The following PTPRN2 variants were observed in gnomAD, a reference collection of about 807,000 sequenced individuals.
The protein encoded by PTPRN2 is receptor-type tyrosine-protein phosphatase N2.
Under a neutral mutation model 118.8 loss-of-function variants are expected in PTPRN2, and 74 were observed. That is an observed-to-expected ratio of 0.62 (90% CI 0.52 to 0.76). The LOEUF (loss-of-function observed/expected upper bound fraction) is 0.76, where lower values mean the gene tolerates loss of function less well. PTPRN2 is among the 30% of genes least tolerant of loss of function. PTPRN2 has a pLI of 0.00. For missense variants in PTPRN2, 1,481 were observed against 1,394.4 expected (o/e 1.06, Z -0.99); for synonymous variants, 641 against 608.0 (o/e 1.05, Z -0.80).
chr7:157,757,465 G>T (rs112923281), intron 12 of PTPRN2, among the ~76,000 whole-genome samples: 1 of 152,140 alleles, frequency 6.6e-6, no homozygotes, highest in Admixed American at 6.5e-5. Context: ...GGAGGACCCC[G>T]GCAGGCGCGG....
chr7:157,926,531 T>C (rs532720450), intron 11 of PTPRN2, among the ~76,000 whole-genome samples: 1 of 152,356 alleles, frequency 6.6e-6, no homozygotes, highest in East Asian at 1.9e-4. Context: ...GATCATCTAA[T>C]TTATTTTAAT....
At chr7:157,607,219 A>C (rs189830500) in intron 15 of PTPRN2, among the ~76,000 whole-genome samples, 9 of 152,356 alleles carry the variant, frequency 5.9e-5, no homozygotes, top group African/African-American at 1.2e-4. Flanking sequence ...TGAACACCCC[A>C]CACACACTAC....
intron 12 of PTPRN2, among the ~76,000 whole-genome samples, chr7:157,818,079 G>A (rs575025347): frequency 6.7e-6 from 1 of 150,024 alleles, no homozygotes; most frequent in African/African-American, 2.5e-5. Context: ...TGTGTGGTGT[G>A]TGCATATGTG....
chr7:158,379,470 C>T (rs1810792482), intron 2 of PTPRN2, among the ~76,000 whole-genome samples: 1 of 152,204 alleles, frequency 6.6e-6, no homozygotes, highest in African/African-American at 2.4e-5. Context: ...TCAGAAACTG[C>T]AGCCAAACTC....
chr7:157,689,821 C>T (rs1797382257), intron 12 of PTPRN2, among the ~76,000 whole-genome samples: 1 of 152,224 alleles, frequency 6.6e-6, no homozygotes, highest in Non-Finnish European at 1.5e-5. Flanking sequence ...TGGAACGCCT[C>T]TCCCTGCAGG....
Position 158,130,415 on chromosome 7 carries a change from TACAC to T in PTPRN2, c.1556+3258_1556+3261del, listed in dbSNP as rs1354964123. ...CACTTCTACCCAACACACACACTCA[TACAC>T]ACTCACACACACACGTACATACAGA... On this transcript the variant is annotated intron_variant, in intron 9 of 22. Transcript: ENST00000389418. Among the ~76,000 whole-genome samples, 8 of 143,130 alleles carry T rather than the reference TACAC, an allele frequency of 5.6e-5. No individual in the cohort carries two copies. The East Asian group carries it at 1.7e-3, about 31-fold the overall frequency. The allele number at this position is 143,130 out of a possible 152,430, so 93.9% of individuals were successfully genotyped here.
intron 22 of PTPRN2, 25 bp from the exon 23 acceptor site, chr7:157,540,810 T>G: frequency 6.5e-7 from 1 of 1,539,894 alleles, no homozygotes; most frequent in Non-Finnish European, 8.8e-7. Context: ...ACGAGAGAAG[T>G]GCCAATGAGA....
intron 3 of PTPRN2, among the ~76,000 whole-genome samples, chr7:158,213,600 T>C (rs1827763972): frequency 6.6e-6 from 1 of 152,148 alleles, no homozygotes; most frequent in Non-Finnish European, 1.5e-5. Flanking sequence ...TACTTAATAA[T>C]AATCAAGTCT....
At chr7:158,434,072 A>G (rs768189503) in intron 2 of PTPRN2, among the ~76,000 whole-genome samples, 2 of 152,162 alleles carry the variant, frequency 1.3e-5, no homozygotes, top group Non-Finnish European at 2.9e-5. Flanking sequence ...ATCTTTAGCA[A>G]TATGTTAAGA....
rs1420743644 is a variant in PTPRN2 at position 158,141,676 on chromosome 7, C to T, written c.911-3161G>A. On this transcript the variant is annotated intron_variant, in intron 6 of 22. Coordinates refer to ENST00000389418, the MANE Select transcript of PTPRN2 (RefSeq NM_002847.5). Reference sequence around the variant, plus strand: ...TGAACACTCTCTGCTGCACCCCATCCCCCACCAGGGTCTCGCATGGAAAGG... The same window carrying T: ...TGAACACTCTCTGCTGCACCCCATCTCCCACCAGGGTCTCGCATGGAAAGG... 2.6e-5 allele frequency among the ~76,000 whole-genome samples: 4 copies of T among 152,282 alleles called. No individual in the cohort carries two copies. The East Asian group carries it at 5.8e-4, about 22-fold the overall frequency.
Position 157,875,730 on chromosome 7 carries a change from C to T in PTPRN2, c.1788+22943G>A, listed in dbSNP as rs541418952. Among the ~76,000 whole-genome samples, 3 of 151,990 alleles carry T rather than the reference C, an allele frequency of 2.0e-5. No homozygotes were observed. The South Asian group carries it at 6.2e-4, about 32-fold the overall frequency. ...GCTGAGTCCCCAGGTCAGGCATCCC[C>T]AGGGGGGCACGGGGCTGCAGAGGGT... On this transcript the variant is annotated intron_variant, in intron 12 of 22. Coordinates refer to ENST00000389418, the MANE Select transcript of PTPRN2 (RefSeq NM_002847.5).
At chr7:158,122,415 C>G (rs961162089) in intron 9 of PTPRN2, among the ~76,000 whole-genome samples, 104 of 152,312 alleles carry the variant, frequency 6.8e-4, no homozygotes, top group Middle Eastern at 3.4e-3. Flanking sequence ...CCACGGTGTC[C>G]TCTCAGCCCC....
intron 3 of PTPRN2, among the ~76,000 whole-genome samples, chr7:158,300,174 C>T (rs1168088694): frequency 2.6e-5 from 4 of 152,128 alleles, no homozygotes; most frequent in African/African-American, 7.2e-5. Flanking sequence ...AGTTTCTTAA[C>T]TGAAGTCCAT....
chr7:157,774,201 T>G lies in PTPRN2; in HGVS notation c.1789-91264A>C, dbSNP rs1160594793. Among the ~76,000 whole-genome samples, 3 of 152,228 alleles carry G rather than the reference T, an allele frequency of 2.0e-5. No homozygotes were observed. In the East Asian group the frequency reaches 5.8e-4, roughly 29 times the overall value. ...CTATATGACAAAAACAGACAATCTA[T>G]TTTTTGAAAATCATAGCTATTCTTA... On this transcript the variant is annotated intron_variant, in intron 12 of 22. Transcript: ENST00000389418.
intron 12 of PTPRN2, among the ~76,000 whole-genome samples, chr7:157,855,535 A>G (rs1387134629): frequency 1.3e-5 from 2 of 152,196 alleles, no homozygotes; most frequent in Non-Finnish European, 2.9e-5. Flanking sequence ...TTGGGGATTC[A>G]CTTGATACAA....
chr7:158,146,679 C>A (rs1262877868), intron 6 of PTPRN2, among the ~76,000 whole-genome samples: 6 of 148,334 alleles, frequency 4.0e-5, no homozygotes, highest in South Asian at 2.1e-4. Flanking sequence ...TGAGATCGCG[C>A]CACTGCACTC....
intron 12 of PTPRN2, among the ~76,000 whole-genome samples, chr7:157,793,915 C>A (rs1804685914): frequency 6.6e-6 from 1 of 152,172 alleles, no homozygotes. Context: ...TCCCTCGGCC[C>A]CCTCTCTGCC....
chr7:157,686,142 C>T (rs576049461), intron 12 of PTPRN2, among the ~76,000 whole-genome samples: 2 of 152,328 alleles, frequency 1.3e-5, no homozygotes, highest in South Asian at 4.1e-4. Context: ...GTCCACCGGC[C>T]TGACACAGAA....
At chr7:158,579,630 G>A (rs1828522105) in intron 1 of PTPRN2, among the ~76,000 whole-genome samples, 1 of 152,208 alleles carries the variant, frequency 6.6e-6, no homozygotes, top group Admixed American at 6.5e-5. Context: ...CACGCTGCAT[G>A]GAAGCAGTAC....
Sources: gnomAD v4.1 joint callset for allele counts (sites outside exome capture counted in the v4.1 genomes callset) on GRCh38, gnomAD v4.1.1 for gene constraint, MANE v1.5 for transcripts, NCBI Gene and HGNC (gene_info 2026-07-23, HGNC 2026-07-21) for gene names.